The following CCDC66 variants were observed in gnomAD, a reference collection of about 807,000 sequenced individuals.
CCDC66 encodes coiled-coil domain containing 66, also known as coiled-coil domain-containing protein 66.
In CCDC66, 133 loss-of-function variants were observed where a neutral mutation model predicts 128.3. The observed-to-expected ratio is 1.04, with a 90% CI of 0.90 to 1.20. CCDC66 has a LOEUF of 1.20. Among genes scored for constraint, CCDC66 ranks in the 50% most tolerant of loss-of-function variants. The pLI, the probability that CCDC66 is intolerant of heterozygous loss-of-function variation, is 0.00. For missense variants in CCDC66, 1,126 were observed against 1,075.5 expected, an observed-to-expected ratio of 1.05 and a Z score of -0.66; for synonymous variants, 387 against 357.0, an observed-to-expected ratio of 1.08 and a Z score of -0.95.
At chr3:56,618,258 T>G in intron 15 of CCDC66, 46 bp downstream of exon 15, 2 of 1,531,856 alleles carry the variant, frequency 1.3e-6, no homozygotes, top group Non-Finnish European at 1.8e-6. Context: ...ATGCTTTCTA[T>G]GTGGGACAAA....
At chr3:56,615,361 C>G (rs551612354) in intron 12 of CCDC66, 89 bp downstream of exon 12, 1 of 1,311,616 alleles carries the variant, frequency 7.6e-7, no homozygotes, top group East Asian at 2.6e-5. Context: ...GACAAGGACT[C>G]ATTCTGTTGC....
At chr3:56,574,361 C>A (rs374235768) in intron 7 of CCDC66, among the ~76,000 whole-genome samples, 1,025 of 126,246 alleles carry the variant, frequency 8.1e-3, no homozygotes, top group Non-Finnish European at 8.2e-3. Flanking sequence ...GACTCTGTCT[C>A]AAAAAAAAAA....
intron 3 of CCDC66, among the ~76,000 whole-genome samples, chr3:56,561,850 G>T (rs1346019431): frequency 6.6e-6 from 1 of 151,882 alleles, no homozygotes; most frequent in Non-Finnish European, 1.5e-5. Context: ...TTCTAATGGG[G>T]TAAGCTCCTG....
At chr3:56,618,384 G>A in intron 15 of CCDC66, 172 bp downstream of exon 15, 1 of 557,934 alleles carries the variant, frequency 1.8e-6, no homozygotes, top group Non-Finnish European at 3.2e-6. Flanking sequence ...TTTAGCAGGA[G>A]CTTGAAGGCC....
chr3:56,573,196 T>TG (rs1028070284), intron 7 of CCDC66, among the ~76,000 whole-genome samples: 1 of 152,258 alleles, frequency 6.6e-6, no homozygotes, highest in Non-Finnish European at 1.5e-5. Flanking sequence ...ATCCATACCA[T>TG]GATTGTTAAT....
chr3:56,584,311 C>T (rs533130340), intron 7 of CCDC66, among the ~76,000 whole-genome samples: 60 of 132,126 alleles, frequency 4.5e-4, no homozygotes, highest in African/African-American at 1.6e-3. Context: ...GGCTGCCGGG[C>T]GGAGGGGTTC....
chr3:56,586,460 G>A lies in CCDC66; in HGVS notation c.937-6510G>A, dbSNP rs973603852. Among the ~76,000 whole-genome samples, 10 of 151,570 alleles carry A rather than the reference G, an allele frequency of 6.6e-5. 1 individual carries two copies. The highest frequency in any genetic ancestry group is 1.3e-4 in the Admixed American group (2 of 15,028). On this transcript the variant is annotated intron_variant, in intron 7 of 17. Coordinates refer to ENST00000394672, the MANE Select transcript of CCDC66 (RefSeq NM_001141947.3). ...GCAGGGGAATGGCTTGAACCTGGGA[G>A]GCAAAGGTTACAGTGAGCTGAGATC...
In CCDC66 at chr3:56,617,120, A is replaced by C; in HGVS notation, c.1852A>C (p.Asn618His). 4.0e-6 allele frequency: 6 copies of C among 1,514,980 alleles called. No homozygotes were observed. The highest frequency in any genetic ancestry group is 2.6e-5 in the South Asian group (2 of 77,058). The allele number at this position is 1,514,980 out of a possible 1,614,324, so 93.8% of individuals were successfully genotyped here. A position where few individuals can be genotyped will look rare whatever the true frequency, so the allele number is the denominator to read the frequency against. ...KDTGVQTDDL[N>H]IGIFTNAESH... ...TTGCAACTTTTTTTTAGATGACTTA[A>C]ATATAGGAATATTCACCAATGCAGA... The change falls in exon 14 of 18, where the codon AAT becomes CAT. Residue 618 changes from asparagine (N) to histidine (H), a missense_variant. Physicochemically the swap from Asn to His is moderately conservative, Grantham distance 68. Coordinates refer to ENST00000394672, the MANE Select transcript of CCDC66 (RefSeq NM_001141947.3).
chr3:56,601,499 A>G (rs555539814), intron 10 of CCDC66, among the ~76,000 whole-genome samples: 3 of 152,036 alleles, frequency 2.0e-5, no homozygotes, highest in Admixed American at 6.6e-5. Context: ...GTTTTTTCCA[A>G]TTCTGTGAAG....
intron 15 of CCDC66, chr3:56,618,984 G>A (rs1007574658): frequency 2.5e-5 from 6 of 239,786 alleles, no homozygotes; most frequent in Middle Eastern, 2.4e-3. Context: ...TTGGGAGGCC[G>A]AGGCAGGTGG....
chr3:56,564,377 C>CA (rs1452580185), intron 4 of CCDC66, among the ~76,000 whole-genome samples: 1 of 151,930 alleles, frequency 6.6e-6, no homozygotes, highest in Admixed American at 6.6e-5. Context: ...AATGTTAGTA[C>CA]AAAAAACTAT....
intron 7 of CCDC66, among the ~76,000 whole-genome samples, chr3:56,584,479 C>T (rs1377462098): frequency 1.3e-5 from 2 of 150,858 alleles, no homozygotes; most frequent in South Asian, 2.1e-4. Flanking sequence ...AGAGGTGCTC[C>T]TCACATCCCA....
intron 1 of CCDC66, 104 bp downstream of exon 1, chr3:56,557,357 C>G: frequency 7.0e-7 from 1 of 1,427,502 alleles, no homozygotes; most frequent in African/African-American, 1.4e-5. Flanking sequence ...TACTGGAGAA[C>G]GTTCCCAACC....
chr3:56,560,956 AG>A (rs1440257893), intron 3 of CCDC66: 4 of 455,894 alleles, frequency 8.8e-6, no homozygotes, highest in African/African-American at 8.0e-5. Flanking sequence ...CTTTACTTGC[AG>A]GTTTAATTAA....
intron 4 of CCDC66, among the ~76,000 whole-genome samples, chr3:56,564,516 G>A (rs2035798): frequency 0.32 from 49,049 of 151,960 alleles, 8,391 homozygotes; most frequent in East Asian, 0.48. Flanking sequence ...TATTTGACTT[G>A]AGTTACTGAA....
intron 10 of CCDC66, among the ~76,000 whole-genome samples, chr3:56,610,017 G>A (rs977370110): frequency 3.9e-5 from 6 of 152,004 alleles, no homozygotes; most frequent in African/African-American, 1.5e-4. Flanking sequence ...TCTTTCCTTC[G>A]TCTTCACTTT....
intron 7 of CCDC66, among the ~76,000 whole-genome samples, chr3:56,579,296 C>A (rs1368062066): frequency 6.6e-6 from 1 of 151,742 alleles, no homozygotes; most frequent in Non-Finnish European, 1.5e-5. Flanking sequence ...ATTCTTCTCT[C>A]TTTTCTTCTT....
intron 10 of CCDC66, among the ~76,000 whole-genome samples, chr3:56,609,129 C>T (rs1334826129): frequency 2.6e-5 from 4 of 152,060 alleles, no homozygotes; most frequent in African/African-American, 4.8e-5. Context: ...TCCATTTGTT[C>T]CAGGGTATAG....
At chr3:56,561,273 A>C (rs1392516925) in intron 3 of CCDC66, 1 of 456,702 alleles carries the variant, frequency 2.2e-6, no homozygotes, top group East Asian at 6.9e-5. Context: ...TTGTTATAGA[A>C]GCCACATTTG....
Sources: gnomAD v4.1 joint callset for allele counts (sites outside exome capture counted in the v4.1 genomes callset) on GRCh38, gnomAD v4.1.1 for gene constraint, MANE v1.5 for transcripts, NCBI Gene and HGNC (gene_info 2026-07-23, HGNC 2026-07-21) for gene names.